Variants in THSD7A observed in about 807,000 individuals in gnomAD.
THSD7A encodes the protein thrombospondin type-1 domain-containing protein 7A.
THSD7A carries 96 observed loss-of-function variants against 231.3 expected under a neutral mutation model. That is an observed-to-expected ratio of 0.41 (90% confidence interval 0.35 to 0.49). The LOEUF is 0.49. Ranked by LOEUF, THSD7A falls within the 20% of genes least tolerant of loss-of-function variation. The pLI is 0.05. For synonymous variants in THSD7A, 940 were observed against 743.3 expected (o/e 1.26, Z -4.30); for missense variants, 2,290 against 2,070.2 (o/e 1.11, Z -2.06).
Position 11,447,932 on chromosome 7 carries a change from G to A in THSD7A, c.2606-508C>T, listed in dbSNP as rs114444134. Among the ~76,000 whole-genome samples, 294 of 152,214 alleles carry A rather than the reference G, an allele frequency of 1.9e-3. 2 individuals carry two copies. Among genetic ancestry groups the A allele is most frequent in the African/African-American group, 6.9e-3 (285 of 41,552 alleles). On this transcript the variant is annotated intron_variant, in intron 11 of 27. Coordinates refer to ENST00000423059, the MANE Select transcript of THSD7A (RefSeq NM_015204.3). ...GTTGGTAGGTTGGAGTTTGGGGTCAGGAAGGTGTGCTTATAGAACTTATCT... is the reference window on the plus strand; with the variant it reads ...GTTGGTAGGTTGGAGTTTGGGGTCAAGAAGGTGTGCTTATAGAACTTATCT...
At chr7:11,558,860 T>C (rs1227245580) in intron 4 of THSD7A, among the ~76,000 whole-genome samples, 1 of 152,204 alleles carries the variant, frequency 6.6e-6, no homozygotes, top group Non-Finnish European at 1.5e-5. Context: ...CAGATGTGAT[T>C]AAAGGTTTAA....
intron 11 of THSD7A, among the ~76,000 whole-genome samples, chr7:11,458,342 T>A (rs1785378671): frequency 6.6e-6 from 1 of 152,114 alleles, no homozygotes. Context: ...AAGATACTTC[T>A]ACATTCTTAA....
intron 13 of THSD7A, among the ~76,000 whole-genome samples, chr7:11,438,360 T>C (rs764365324): frequency 9.2e-5 from 14 of 152,150 alleles, no homozygotes; most frequent in Middle Eastern, 3.4e-3. Flanking sequence ...TGTAGAGCCT[T>C]CTTTTTATTT....
chr7:11,778,461 T>C (rs116638288), intron 1 of THSD7A, among the ~76,000 whole-genome samples: 3,145 of 152,228 alleles, frequency 0.021, 112 homozygotes, highest in African/African-American at 0.072. Flanking sequence ...GGGTTAATAG[T>C]GCCAACAGAA....
At chr7:11,391,976 T>C (rs932960474) in intron 23 of THSD7A, among the ~76,000 whole-genome samples, 1 of 152,040 alleles carries the variant, frequency 6.6e-6, no homozygotes, top group Non-Finnish European at 1.5e-5. Context: ...CAATTGGAAA[T>C]GTAGAAATCA....
At chr7:11,604,347 G>T (rs1378558862) in intron 2 of THSD7A, among the ~76,000 whole-genome samples, 2 of 151,970 alleles carry the variant, frequency 1.3e-5, no homozygotes, top group African/African-American at 4.8e-5. Context: ...CAAAGAACCG[G>T]GTACCGTGTT....
At chr7:11,376,105 G>T (rs1232514963) in intron 27 of THSD7A, among the ~76,000 whole-genome samples, 1 of 151,910 alleles carries the variant, frequency 6.6e-6, no homozygotes, top group Non-Finnish European at 1.5e-5. Context: ...CCCTACAAAA[G>T]ATAAATTATC....
At chr7:11,667,341 C>T (rs1319534611) in intron 1 of THSD7A, among the ~76,000 whole-genome samples, 2 of 151,938 alleles carry the variant, frequency 1.3e-5, no homozygotes, top group African/African-American at 4.8e-5. Context: ...AACCATACCA[C>T]TTCTCGTCTG....
chr7:11,782,453 TC>T (rs1309146136), intron 1 of THSD7A, among the ~76,000 whole-genome samples: 1 of 152,152 alleles, frequency 6.6e-6, no homozygotes, highest in African/African-American at 2.4e-5. Context: ...AGCCATTCTT[TC>T]TCAGTAATTC....
intron 15 of THSD7A, among the ~76,000 whole-genome samples, chr7:11,425,730 T>A (rs1468924755): frequency 1.0e-4 from 9 of 86,752 alleles, no homozygotes; most frequent in Non-Finnish European, 2.0e-4. Flanking sequence ...ATCCCTTATT[T>A]TACACACACA....
chr7:11,516,782 G>T (rs1788047566), intron 6 of THSD7A, among the ~76,000 whole-genome samples: 1 of 152,030 alleles, frequency 6.6e-6, no homozygotes, highest in African/African-American at 2.4e-5. Flanking sequence ...TAATTTCATA[G>T]GAGGCACCAG....
rs374299712 is a variant in THSD7A at position 11,540,642 on chromosome 7, G to T, written c.1822+777C>A. 2.0e-5 allele frequency among the ~76,000 whole-genome samples: 3 copies of T among 152,292 alleles called. 1 individual carries two copies. On this transcript the variant is annotated intron_variant, in intron 6 of 27. Coordinates refer to ENST00000423059, the MANE Select transcript of THSD7A (RefSeq NM_015204.3). ...CAGAGGTTTTAAAGTATGTCTGGGG[G>T]AGTCTTGTGGTTTTCAAGTGTGACT...
At chr7:11,651,413 T>C (rs955327393) in intron 1 of THSD7A, among the ~76,000 whole-genome samples, 2 of 152,020 alleles carry the variant, frequency 1.3e-5, no homozygotes, top group Admixed American at 1.3e-4. Flanking sequence ...AATTTTTCAC[T>C]TAGAAATGGT....
intron 4 of THSD7A, among the ~76,000 whole-genome samples, chr7:11,573,291 T>G (rs928509825): frequency 1.2e-4 from 18 of 152,224 alleles, no homozygotes; most frequent in African/African-American, 4.1e-4. Context: ...GGCCAAGGAT[T>G]CATGGTGTAT....
chr7:11,653,147 C>G (rs1370850265), intron 1 of THSD7A, among the ~76,000 whole-genome samples: 2 of 151,812 alleles, frequency 1.3e-5, no homozygotes, highest in Admixed American at 1.3e-4. Flanking sequence ...TTTTAACTAC[C>G]ATTATTTCAA....
chr7:11,647,595 T>C (rs1353476669), intron 1 of THSD7A, among the ~76,000 whole-genome samples: 2 of 152,094 alleles, frequency 1.3e-5, no homozygotes, highest in East Asian at 1.9e-4. Flanking sequence ...ATAAGATATA[T>C]TCTTTTGAAT....
chr7:11,398,745 G>T (rs1186298889), intron 23 of THSD7A, among the ~76,000 whole-genome samples: 1 of 152,016 alleles, frequency 6.6e-6, no homozygotes, highest in African/African-American at 2.4e-5. Flanking sequence ...CAGTCCTGCT[G>T]AGTGTCTGAC....
In THSD7A at chr7:11,493,591, G is replaced by T. The variant is rs1786985065; in HGVS notation, c.1823-11609C>A. Among the ~76,000 whole-genome samples the T allele has an allele frequency of 2.6e-5, 4 of 152,122 alleles. No homozygotes were observed. The South Asian group carries it at 8.3e-4, about 32-fold the overall frequency. On this transcript the variant is annotated intron_variant, in intron 6 of 27. Coordinates refer to ENST00000423059, the MANE Select transcript of THSD7A (RefSeq NM_015204.3). ...CAATATGTAAGAAGAAAGAGTTGATGGTTCAAACCAAATTCTCCTAGTCAT... is the reference window on the plus strand; with the variant it reads ...CAATATGTAAGAAGAAAGAGTTGATTGTTCAAACCAAATTCTCCTAGTCAT...
intron 1 of THSD7A, among the ~76,000 whole-genome samples, chr7:11,739,355 A>T (rs975934735): frequency 3.9e-5 from 6 of 152,014 alleles, no homozygotes; most frequent in Non-Finnish European, 7.4e-5. Context: ...TGCATGGAAT[A>T]ACACTTATAA....
Sources: gnomAD v4.1 joint callset for allele counts (sites outside exome capture counted in the v4.1 genomes callset) on GRCh38, gnomAD v4.1.1 for gene constraint, MANE v1.5 for transcripts, NCBI Gene and HGNC (gene_info 2026-07-23, HGNC 2026-07-21) for gene names.